Variants in ATG7 observed in about 807,000 individuals in gnomAD.
ATG7 encodes ubiquitin-like modifier-activating enzyme ATG7.
ATG7 carries 70 observed loss-of-function variants against 82.4 expected under a neutral mutation model. The observed-to-expected ratio is 0.85, with a 90% CI of 0.70 to 1.04. ATG7 has a LOEUF of 1.04. Among genes scored for constraint, ATG7 ranks in the 50% least tolerant of loss-of-function variants. The pLI is 0.00. For missense variants in ATG7, 792 were observed against 864.3 expected, an observed-to-expected ratio of 0.92 and a Z score of 1.05; for synonymous variants, 287 against 313.0, an observed-to-expected ratio of 0.92 and a Z score of 0.88.
intron 1 of ATG7, among the ~76,000 whole-genome samples, chr3:11,278,676 A>G (rs181102768): frequency 1.5e-4 from 23 of 152,332 alleles, no homozygotes; most frequent in African/African-American, 4.3e-4. Context: ...TCAGTCATCA[A>G]CAAGTATTTA....
At chr3:11,443,032 T>G (rs1426984492) in intron 20 of ATG7, among the ~76,000 whole-genome samples, 1 of 152,216 alleles carries the variant, frequency 6.6e-6, no homozygotes, top group Non-Finnish European at 1.5e-5. Context: ...TGTGAAACAG[T>G]GGCAACTGCT....
At chr3:11,527,067 GTGTGTATATA>G (rs751346712) in intron 20 of ATG7, among the ~76,000 whole-genome samples, 125 of 95,300 alleles carry the variant, frequency 1.3e-3, no homozygotes, top group East Asian at 5.2e-3. Flanking sequence ...GTGTGTGTGT[GTGTGTATATA>G]TATATATATA....
chr3:11,292,089 G>A (rs774923152), intron 3 of ATG7, among the ~76,000 whole-genome samples: 4 of 152,178 alleles, frequency 2.6e-5, no homozygotes, highest in Non-Finnish European at 4.4e-5. Flanking sequence ...AGCCTGGCAC[G>A]TAGCAGTGGG....
the ATG7 span, chr3:11,565,025 A>G: frequency 6.8e-7 from 1 of 1,475,172 alleles, no homozygotes; most frequent in Non-Finnish European, 9.0e-7. This position sits in a 1 kb window ranked among gnomAD's most constrained non-coding sequence, Gnocchi z 4.1. Context: ...TGTTCCTGAA[A>G]AAGAGGAATG....
chr3:11,339,164 C>T (rs2594981), intron 11 of ATG7, among the ~76,000 whole-genome samples: 1 of 151,570 alleles, frequency 6.6e-6, no homozygotes, highest in Admixed American at 6.6e-5. Context: ...GGCATGCTGG[C>T]GGGCGCGTGT....
intron 18 of ATG7, among the ~76,000 whole-genome samples, chr3:11,370,665 G>C: frequency 6.6e-6 from 1 of 151,012 alleles, no homozygotes; most frequent in Non-Finnish European, 1.5e-5. Flanking sequence ...TCGAGGCCTG[G>C]GTCTGAAGCT....
intron 19 of ATG7, among the ~76,000 whole-genome samples, chr3:11,417,192 TAATA>T (rs1435761114): frequency 2.0e-5 from 3 of 152,376 alleles, no homozygotes; most frequent in African/African-American, 7.2e-5. Flanking sequence ...TCCAGTTGAT[TAATA>T]AATAGTGTTT....
chr3:11,286,507 C>T (rs1207015374), intron 3 of ATG7, among the ~76,000 whole-genome samples: 9 of 141,900 alleles, frequency 6.3e-5, no homozygotes, highest in Admixed American at 1.4e-4. Flanking sequence ...TGTTTCTTTT[C>T]GGGAGGATAT....
intron 20 of ATG7, chr3:11,510,455 C>G: frequency 2.7e-6 from 1 of 366,614 alleles, no homozygotes; most frequent in Non-Finnish European, 5.4e-6. Context: ...TCTCCCCACC[C>G]CCTCCCCCAT....
rs377450084 is a variant in ATG7 at position 11,348,213 on chromosome 3, G to C, written c.1284+178G>C. ...AGAGAGGGATAAAAAAACACAACCAGGTCAGGCATGGTGGCTCATACCTGC... is the reference window on the plus strand; with the variant it reads ...AGAGAGGGATAAAAAAACACAACCACGTCAGGCATGGTGGCTCATACCTGC... On this transcript the variant is annotated intron_variant, in intron 14 of 20. Transcript: ENST00000693202. The C allele has an allele frequency of 2.5e-5, 20 of 811,122 alleles. No individual in the cohort carries two copies. In the East Asian group the frequency reaches 3.1e-4, roughly 13 times the overall value. 50.2% of individuals were successfully genotyped at this position (811,122 alleles called of 1,614,324 possible). A position where few individuals can be genotyped will look rare whatever the true frequency, so the allele number is the denominator to read the frequency against.
chr3:11,292,969 T>G (rs992495632), intron 3 of ATG7, among the ~76,000 whole-genome samples: 3 of 152,226 alleles, frequency 2.0e-5, no homozygotes, highest in Non-Finnish European at 4.4e-5. Flanking sequence ...TAGGAATTAG[T>G]GCTTTATTGC....
At chr3:11,320,146 C>T (rs906961162) in intron 9 of ATG7, among the ~76,000 whole-genome samples, 3 of 152,122 alleles carry the variant, frequency 2.0e-5, no homozygotes, top group Non-Finnish European at 4.4e-5. Context: ...TCTTCTCTCT[C>T]TTTTCTTTAC....
chr3:11,331,581 C>T (rs1951655993), intron 10 of ATG7, among the ~76,000 whole-genome samples, 153 bp downstream of exon 10: 1 of 152,116 alleles, frequency 6.6e-6, no homozygotes, highest in Non-Finnish European at 1.5e-5. Flanking sequence ...CAGTCATAAC[C>T]CAATTTCCAT....
chr3:11,391,818 A>C (rs1462435499), intron 19 of ATG7, among the ~76,000 whole-genome samples: 1 of 152,160 alleles, frequency 6.6e-6, no homozygotes, highest in Admixed American at 6.6e-5. Flanking sequence ...CCAGTCTATC[A>C]GATGGAGAGA....
At chr3:11,276,962 G>T (rs1175432474) in intron 1 of ATG7, among the ~76,000 whole-genome samples, 1 of 151,984 alleles carries the variant, frequency 6.6e-6, no homozygotes, top group African/African-American at 2.4e-5. Flanking sequence ...CTCCATTCTT[G>T]AATCTTGCCA....
chr3:11,339,169 G>A (rs1232638523), intron 11 of ATG7, among the ~76,000 whole-genome samples: 3 of 151,730 alleles, frequency 2.0e-5, no homozygotes, highest in Admixed American at 1.3e-4. Flanking sequence ...GCTGGCGGGC[G>A]CGTGTACTCC....
chr3:11,400,017 A>G (rs1181343548), intron 19 of ATG7, among the ~76,000 whole-genome samples: 1 of 152,214 alleles, frequency 6.6e-6, no homozygotes, highest in Non-Finnish European at 1.5e-5. Context: ...TCACAATGAA[A>G]AATGTTAAGA....
intron 19 of ATG7, among the ~76,000 whole-genome samples, chr3:11,388,336 A>G (rs1019210980): frequency 6.6e-6 from 1 of 152,102 alleles, no homozygotes; most frequent in Non-Finnish European, 1.5e-5. Flanking sequence ...AACTCTCCTC[A>G]GAGTTCAGAC....
chr3:11,342,272 C>T lies in ATG7; in HGVS notation c.1118C>T (p.Thr373Met), dbSNP rs769997440. The change falls in exon 13 of 21, where the codon ACG becomes ATG. Residue 373 changes from threonine to methionine, a missense_variant. Thr to Met is a moderately conservative substitution (Grantham distance 81). Coordinates refer to ENST00000693202, the MANE Select transcript of ATG7 (RefSeq NM_001349232.2). ...AGTLGCNVAR[T>M]LMGWGVRHIT... ...ACCTTGGGTTGCAATGTAGCTAGGACGTTGATGGTAAGTCGGAGGTGGGGG... is the reference window on the plus strand; with the variant it reads ...ACCTTGGGTTGCAATGTAGCTAGGATGTTGATGGTAAGTCGGAGGTGGGGG... 98 of 1,612,054 alleles carry T rather than the reference C, an allele frequency of 6.1e-5. No individual in the cohort carries two copies. In the East Asian group the frequency reaches 7.6e-4, roughly 13 times the overall value.
Sources: gnomAD v4.1 joint callset for allele counts (sites outside exome capture counted in the v4.1 genomes callset) on GRCh38, gnomAD v4.1.1 for gene constraint, Gnocchi (gnomAD v3.1) non-coding constraint, MANE v1.5 for transcripts, NCBI Gene and HGNC (gene_info 2026-07-23, HGNC 2026-07-21) for gene names.